Variants in PTK2 observed in about 807,000 individuals in gnomAD.
PTK2 encodes the protein protein tyrosine kinase 2.
PTK2 carries 45 observed loss-of-function variants against 150.1 expected under a neutral mutation model. The observed-to-expected ratio is 0.30, with a 90% CI of 0.24 to 0.38. The LOEUF (loss-of-function observed/expected upper bound fraction) is 0.38, where lower values mean the gene tolerates loss of function less well. PTK2 is among the 10% of genes least tolerant of loss of function. The pLI is 1.00. For synonymous variants in PTK2, 432 were observed against 449.2 expected (o/e 0.96, Z 0.48); for missense variants, 919 against 1,307.3 (o/e 0.70, Z 4.58).
intron 1 of PTK2, among the ~76,000 whole-genome samples, chr8:140,987,978 G>A (rs2154610144): frequency 6.6e-6 from 1 of 151,342 alleles, no homozygotes; most frequent in East Asian, 1.9e-4. Context: ...CTGGGAGGTT[G>A]AGGCTGCAGT....
intron 7 of PTK2, among the ~76,000 whole-genome samples, chr8:140,845,620 G>C (rs1178653950): frequency 3.9e-5 from 6 of 152,130 alleles, no homozygotes; most frequent in Non-Finnish European, 8.8e-5. Flanking sequence ...ACTTGTCTGA[G>C]AGTCTTCCTT....
At chr8:140,743,517 A>AT (rs1308165021) in intron 19 of PTK2, among the ~76,000 whole-genome samples, 187 bp from the exon 23 acceptor site, 3 of 152,032 alleles carry the variant, frequency 2.0e-5, no homozygotes, top group African/African-American at 7.2e-5. Flanking sequence ...AATTTACTTC[A>AT]TATATATTCT....
chr8:140,739,509 G>A (rs1002050894), intron 20 of PTK2, among the ~76,000 whole-genome samples: 2 of 152,066 alleles, frequency 1.3e-5, no homozygotes, highest in African/African-American at 4.8e-5. Context: ...ATATATAGTC[G>A]ATCCTCACTG....
At chr8:140,888,876 C>G (rs1207526999) in intron 3 of PTK2, among the ~76,000 whole-genome samples, 4 of 152,168 alleles carry the variant, frequency 2.6e-5, no homozygotes, top group Non-Finnish European at 4.4e-5. Flanking sequence ...AGAGTTTCCT[C>G]ATTCACTGTA....
chr8:140,723,853 T>C (rs1194272318), intron 22 of PTK2, among the ~76,000 whole-genome samples: 1 of 152,234 alleles, frequency 6.6e-6, no homozygotes, highest in Non-Finnish European at 1.5e-5. Context: ...GTACTTTATT[T>C]AGTGTTAGTT....
At chr8:140,676,462 T>A (rs1417077987) in intron 27 of PTK2, among the ~76,000 whole-genome samples, 1 of 151,478 alleles carries the variant, frequency 6.6e-6, no homozygotes, top group Non-Finnish European at 1.5e-5. Flanking sequence ...TGCAGTAATG[T>A]GTAGGCCATT....
In PTK2 at chr8:140,877,705, C is replaced by T. The variant is rs74573736; in HGVS notation, c.362+1766G>A. ...TATGAGCAGTAGTATCCCGATCACC[C>T]TTTCATCTAGTAGGGTCAATCTGTG... On this transcript the variant is annotated intron_variant, in intron 4 of 31. Transcript: ENST00000522684. Among the ~76,000 whole-genome samples, 1,090 of 151,994 alleles carry T rather than the reference C, an allele frequency of 7.2e-3. 22 individuals carry two copies. In the East Asian group the frequency reaches 0.095, roughly 13 times the overall value.
rs143012186 is a variant in PTK2 at position 140,991,208 on chromosome 8, A to G, written c.-122+9917T>C. Among the ~76,000 whole-genome samples the G allele has an allele frequency of 1.3e-3, 197 of 152,358 alleles. 1 individual carries two copies. Among genetic ancestry groups the G allele is most frequent in the African/African-American group, 4.6e-3 (191 of 41,588 alleles). On this transcript the variant is annotated intron_variant, in intron 1 of 31. Transcript: ENST00000522684. The stretch of plus-strand genomic sequence containing the variant: ...AATTCAACACCAGGAATAAAAATCA[A>G]TTCACACAATACAGCTTCATTAGTT...
At chr8:140,839,228 C>T (rs1364724251) in intron 7 of PTK2, among the ~76,000 whole-genome samples, 1 of 152,146 alleles carries the variant, frequency 6.6e-6, no homozygotes, top group South Asian at 2.1e-4. Flanking sequence ...GATGATGAAC[C>T]CGGCGCTTGG....
At chr8:140,877,253 C>G (rs763448484) in intron 4 of PTK2, among the ~76,000 whole-genome samples, 19 of 152,002 alleles carry the variant, frequency 1.2e-4, no homozygotes, top group South Asian at 2.1e-4. Flanking sequence ...AGCCTGGTCT[C>G]GAACTCCTGA....
At chr8:140,834,736 C>A (rs548377886) in intron 7 of PTK2, among the ~76,000 whole-genome samples, 24 of 152,254 alleles carry the variant, frequency 1.6e-4, no homozygotes, top group Middle Eastern at 3.4e-3. Flanking sequence ...AAAACCAATA[C>A]ACTTAGCCAT....
chr8:140,968,765 T>C (rs1208693580), intron 1 of PTK2, among the ~76,000 whole-genome samples: 1 of 152,212 alleles, frequency 6.6e-6, no homozygotes, highest in Non-Finnish European at 1.5e-5. Flanking sequence ...ATGGCTATCA[T>C]GATATATGGT....
chr8:140,949,799 C>A (rs1003404621), intron 1 of PTK2, among the ~76,000 whole-genome samples: 2 of 152,164 alleles, frequency 1.3e-5, no homozygotes, highest in African/African-American at 4.8e-5. Context: ...GGGGCAGGTC[C>A]CCCATGAAAT....
At chr8:140,978,387 T>C (rs2100190118) in intron 1 of PTK2, among the ~76,000 whole-genome samples, 1 of 152,322 alleles carries the variant, frequency 6.6e-6, no homozygotes, top group South Asian at 2.1e-4. Flanking sequence ...ATCCAGAATC[T>C]ACAATGAACT....
chr8:140,844,951 C>T (rs1438139061), intron 7 of PTK2, among the ~76,000 whole-genome samples: 1 of 152,080 alleles, frequency 6.6e-6, no homozygotes, highest in African/African-American at 2.4e-5. Context: ...CCATAGTGGC[C>T]CACGACAGAA....
chr8:140,747,543 A>C, intron 17 of PTK2, among the ~76,000 whole-genome samples: 1 of 10,984 alleles, frequency 9.1e-5, no homozygotes, highest in South Asian at 0.011. Context: ...AGGAGGGGGA[A>C]GAAGAGGAGG....
chr8:140,921,478 T>G (rs1384830174), intron 2 of PTK2, among the ~76,000 whole-genome samples: 5 of 152,222 alleles, frequency 3.3e-5, no homozygotes, highest in African/African-American at 1.2e-4. Context: ...CCTAATTCTT[T>G]ATGACCTTAG....
intron 29 of PTK2, among the ~76,000 whole-genome samples, chr8:140,673,092 T>C (rs903889303): frequency 6.6e-6 from 1 of 151,946 alleles, no homozygotes. Context: ...TGTCTTCCAC[T>C]ATAAGATGCA....
At chr8:140,851,230 C>T (rs1409830611) in intron 5 of PTK2, among the ~76,000 whole-genome samples, 1 of 152,210 alleles carries the variant, frequency 6.6e-6, no homozygotes, top group Admixed American at 6.5e-5. Flanking sequence ...TTTCCTCTTT[C>T]ATACCTAAGC....
Sources: allele counts gnomAD v4.1 joint callset (sites outside exome capture counted in the v4.1 genomes callset), GRCh38; gene constraint gnomAD v4.1.1; transcripts MANE v1.5; gene names NCBI Gene and HGNC (gene_info 2026-07-23, HGNC 2026-07-21).